Variants in FAM193A observed in about 807,000 individuals in gnomAD.
FAM193A encodes family with sequence similarity 193 member A, also known as protein FAM193A.
A neutral mutation model predicts 126.5 loss-of-function variants in FAM193A; 22 were observed. That is an observed-to-expected ratio of 0.17 (90% CI 0.12 to 0.25). The LOEUF is 0.25. Among genes scored for constraint, FAM193A ranks in the 10% least tolerant of loss-of-function variants. The pLI is 1.00. For missense variants in FAM193A, 1,675 were observed against 1,672.8 expected (o/e 1.00, Z -0.02); for synonymous variants, 761 against 646.8 (o/e 1.18, Z -2.68).
chr4:2,690,775 G>T lies in FAM193A; in HGVS notation c.2608G>T (p.Ala870Ser), dbSNP rs1163119641. The T allele has an allele frequency of 6.2e-7, 1 of 1,613,946 alleles. No homozygotes were observed. The highest frequency in any genetic ancestry group is 8.5e-7 in the Non-Finnish European group (1 of 1,179,858). Residue 870 changes from alanine (A) to serine (S), a missense_variant, in exon 15 of 21, where the codon GCA becomes TCA. Ala to Ser is a moderately conservative substitution (Grantham distance 99). Around this residue, in one of 4 missense-constraint regions of FAM193A, gnomAD observed 1,186 missense variants for 1,109.2 expected, o/e 1.07. Transcript: ENST00000637812. Reference protein sequence around the residue: ...LPPPSSNETPAVSDSKEKKNA... With the variant: ...LPPPSSNETPSVSDSKEKKNA... ...ACCTCCATCTAGCAATGAAACACCTGCAGTCTCGGATAGTAAAGAGAAAAA... is the reference window on the plus strand; with the variant it reads ...ACCTCCATCTAGCAATGAAACACCTTCAGTCTCGGATAGTAAAGAGAAAAA...
At chr4:2,664,300 A>G (rs1322988066) in intron 12 of FAM193A, among the ~76,000 whole-genome samples, 2 of 152,212 alleles carry the variant, frequency 1.3e-5, no homozygotes, top group African/African-American at 4.8e-5. Flanking sequence ...TTCTGCATAT[A>G]TAGATATCCA....
intron 1 of FAM193A, among the ~76,000 whole-genome samples, chr4:2,593,152 C>A (rs921822011): frequency 2.0e-5 from 3 of 152,198 alleles, no homozygotes; most frequent in African/African-American, 7.2e-5. Flanking sequence ...TTGTCCCTAG[C>A]TCTTCTCCTC....
intron 6 of FAM193A, among the ~76,000 whole-genome samples, chr4:2,641,511 C>T (rs763848163): frequency 1.3e-4 from 20 of 151,898 alleles, no homozygotes; most frequent in African/African-American, 2.4e-4. Context: ...AAAAATTAGC[C>T]GGGCGTAGTG....
At chr4:2,628,998 G>A (rs977212586) in intron 4 of FAM193A, among the ~76,000 whole-genome samples, 2 of 151,982 alleles carry the variant, frequency 1.3e-5, no homozygotes, top group African/African-American at 2.4e-5. Flanking sequence ...GACTACAGGC[G>A]CCTGACACCA....
chr4:2,632,612 C>G (rs913753317), intron 5 of FAM193A, among the ~76,000 whole-genome samples: 2 of 147,920 alleles, frequency 1.4e-5, no homozygotes, highest in African/African-American at 5.0e-5. Context: ...CAGACTTCCT[C>G]AAGCTTCACT....
intron 5 of FAM193A, among the ~76,000 whole-genome samples, chr4:2,638,074 G>C (rs1412730037): frequency 6.6e-6 from 1 of 152,224 alleles, no homozygotes; most frequent in African/African-American, 2.4e-5. Flanking sequence ...GGTGGAAATG[G>C]CTATCCCAGA....
chr4:2,593,669 T>G (rs971846512), intron 1 of FAM193A, among the ~76,000 whole-genome samples: 1 of 152,156 alleles, frequency 6.6e-6, no homozygotes, highest in Non-Finnish European at 1.5e-5. Flanking sequence ...AGCTGTGCGC[T>G]CTCTGGTCAT....
At chr4:2,718,757 A>G (rs920354342) in intron 20 of FAM193A, among the ~76,000 whole-genome samples, 10 of 152,182 alleles carry the variant, frequency 6.6e-5, no homozygotes, top group African/African-American at 1.2e-4. Context: ...GTGTAAATAT[A>G]TAAGTGAAAA....
Position 2,700,503 on chromosome 4 carries a change from A to G in FAM193A, c.4331A>G (p.Lys1444Arg). The G allele has an allele frequency of 6.2e-7, 1 of 1,613,082 alleles. No individual in the cohort carries two copies. The highest frequency in any genetic ancestry group is 1.1e-5 in the South Asian group (1 of 90,876). The change falls in exon 19 of 21, where the codon AAA becomes AGA. Residue 1444 changes from lysine to arginine, a missense_variant. Lys to Arg is a conservative substitution (Grantham distance 26). Around this residue, in one of 4 missense-constraint regions of FAM193A, gnomAD observed 415 missense variants for 396.7 expected, o/e 1.05. Transcript: ENST00000637812. ...CCTCAGCCAAAGGGCAAGAACAAGA[A>G]AAATAAGAAGAAGAAAGGAGACAGA... Reference protein sequence around the residue: ...ESPQPKGKNKKNKKKKGDRVN... With the variant: ...ESPQPKGKNKRNKKKKGDRVN...
intron 1 of FAM193A, among the ~76,000 whole-genome samples, chr4:2,551,778 T>C (rs952981728): frequency 2.0e-5 from 3 of 147,560 alleles, no homozygotes; most frequent in Non-Finnish European, 4.5e-5. Flanking sequence ...GTGTGTTTGA[T>C]TTTTTTTTTT....
intron 1 of FAM193A, among the ~76,000 whole-genome samples, chr4:2,576,797 C>G (rs1739612970): frequency 6.6e-6 from 1 of 152,212 alleles, no homozygotes; most frequent in Non-Finnish European, 1.5e-5. Flanking sequence ...GTAGTAGGTG[C>G]TGTTGTTACC....
intron 6 of FAM193A, among the ~76,000 whole-genome samples, chr4:2,642,549 G>A (rs1010910017): frequency 5.9e-5 from 9 of 152,000 alleles, no homozygotes; most frequent in Admixed American, 5.9e-4. Flanking sequence ...TGGTTATGAC[G>A]TTCAGATTCA....
At chr4:2,550,628 G>GT (rs1560436033) in intron 1 of FAM193A, among the ~76,000 whole-genome samples, 1 of 151,182 alleles carries the variant, frequency 6.6e-6, no homozygotes, top group Non-Finnish European at 1.5e-5. Flanking sequence ...TACAGACGGG[G>GT]TTTCTCCATG....
chr4:2,723,785 G>A (rs1156348260), intron 20 of FAM193A, among the ~76,000 whole-genome samples: 1 of 146,826 alleles, frequency 6.8e-6, no homozygotes, highest in Non-Finnish European at 1.5e-5. Flanking sequence ...TGGAGGGTTG[G>A]GGTTTCTGGG....
At chr4:2,635,379 G>A (rs2109012753) in intron 5 of FAM193A, among the ~76,000 whole-genome samples, 1 of 152,178 alleles carries the variant, frequency 6.6e-6, no homozygotes, top group East Asian at 1.9e-4. Flanking sequence ...AGTACTTGCT[G>A]TATTGAAATT....
chr4:2,723,147 G>A (rs1425124234), intron 20 of FAM193A, among the ~76,000 whole-genome samples: 2 of 152,168 alleles, frequency 1.3e-5, no homozygotes, highest in Non-Finnish European at 2.9e-5. Flanking sequence ...GGTGGCAGGT[G>A]CCTGTAGTCC....
At chr4:2,679,451 C>T (rs1714840041) in intron 13 of FAM193A, among the ~76,000 whole-genome samples, 1 of 138,842 alleles carries the variant, frequency 7.2e-6, no homozygotes, top group South Asian at 2.3e-4. Flanking sequence ...GTGATCTTGG[C>T]TCACTGCAAC....
intron 1 of FAM193A, among the ~76,000 whole-genome samples, chr4:2,559,626 C>A (rs116339228): frequency 6.6e-6 from 1 of 152,260 alleles, no homozygotes; most frequent in African/African-American, 2.4e-5. Flanking sequence ...TCCTTACTCT[C>A]GCCGTAGTCT....
At chr4:2,682,311 A>G (rs919321754) in intron 13 of FAM193A, among the ~76,000 whole-genome samples, 1 of 151,996 alleles carries the variant, frequency 6.6e-6, no homozygotes, top group African/African-American at 2.4e-5. Context: ...TTTCTTGTAG[A>G]CATGTATAGT....
Sources: allele counts gnomAD v4.1 joint callset (sites outside exome capture counted in the v4.1 genomes callset), GRCh38; gene constraint gnomAD v4.1.1; regional missense constraint gnomAD v4.1.1; transcripts MANE v1.5; gene names NCBI Gene and HGNC (gene_info 2026-07-23, HGNC 2026-07-21).